Variants in KIAA1671 observed in about 807,000 individuals in gnomAD.
The protein encoded by KIAA1671 is KIAA1671.
Under a neutral mutation model 131.2 loss-of-function variants are expected in KIAA1671, and 52 were observed. That is an observed-to-expected ratio of 0.40 (90% CI 0.32 to 0.50). The LOEUF is 0.50. Ranked by LOEUF, KIAA1671 falls within the 20% of genes least tolerant of loss-of-function variation. The probability of loss-of-function intolerance (pLI) is 0.73; values close to 1 mark genes in which losing one functional copy is unlikely to be tolerated. For synonymous variants in KIAA1671, 1,003 were observed against 961.6 expected (o/e 1.04, Z -0.80); for missense variants, 2,360 against 2,364.2 (o/e 1.00, Z 0.04).
chr22:25,146,601 C>A (rs1042495146), intron 6 of KIAA1671, among the ~76,000 whole-genome samples: 3 of 152,222 alleles, frequency 2.0e-5, no homozygotes, highest in African/African-American at 7.2e-5. Context: ...TGACTCCCAG[C>A]ACTGTGGCTT....
At chr22:25,005,765 G>A (rs948897837) in intron 1 of KIAA1671, among the ~76,000 whole-genome samples, 5 of 152,224 alleles carry the variant, frequency 3.3e-5, no homozygotes, top group Admixed American at 2.6e-4. Context: ...TGGGCCTGGG[G>A]TCAGACCATC....
chr22:25,021,050 C>T (rs1019294761), intron 1 of KIAA1671, among the ~76,000 whole-genome samples: 32 of 152,070 alleles, frequency 2.1e-4, no homozygotes, highest in African/African-American at 6.5e-4. Flanking sequence ...GAGGCAGAAT[C>T]GTCAGTGAGG....
In KIAA1671 at chr22:24,956,078, G is replaced by A. The variant is rs184106351; in HGVS notation, c.-208+3306G>A. On this transcript the variant is annotated intron_variant, in intron 1 of 12. Transcript: ENST00000358431. The stretch of plus-strand genomic sequence containing the variant: ...AAGAAAAATCCTGGTGAGAGACCGC[G>A]GTGCGCGGTGGACTGGACGTAGAGA... 1.2e-3 allele frequency among the ~76,000 whole-genome samples: 187 copies of A among 152,156 alleles called. 1 individual carries two copies. Among genetic ancestry groups the A allele is most frequent in the Admixed American group, 2.0e-3 (31 of 15,298 alleles).
chr22:25,054,562 G>A (rs1169729378), intron 6 of KIAA1671: 1 of 149,716 alleles, frequency 6.7e-6, no homozygotes, highest in Non-Finnish European at 1.5e-5. Context: ...GATGCGTAGG[G>A]TGAGGTATGG....
At chr22:25,099,669 C>G (rs946128021) in intron 6 of KIAA1671, among the ~76,000 whole-genome samples, 2 of 150,810 alleles carry the variant, frequency 1.3e-5, no homozygotes, top group African/African-American at 4.9e-5. Context: ...TGTGCGCCAC[C>G]ATACCTGGCT....
At chr22:25,166,737 T>C (rs1933657993) in intron 6 of KIAA1671, among the ~76,000 whole-genome samples, 5 of 152,184 alleles carry the variant, frequency 3.3e-5, no homozygotes. Flanking sequence ...TCCTTGTTTT[T>C]CCAGTGTGAA....
At chr22:24,991,868 G>A (rs1340011693) in intron 1 of KIAA1671, among the ~76,000 whole-genome samples, 1 of 152,098 alleles carries the variant, frequency 6.6e-6, no homozygotes, top group East Asian at 1.9e-4. Context: ...TAGAGCCGGG[G>A]ATGAGTGTAA....
intron 5 of KIAA1671, among the ~76,000 whole-genome samples, chr22:25,044,598 CTT>C (rs1927122085): frequency 6.6e-6 from 1 of 151,250 alleles, no homozygotes; most frequent in Admixed American, 6.6e-5. Context: ...CCGTTTCTCT[CTT>C]GTCTCCTGCC....
Position 25,028,663 on chromosome 22 carries a change from A to C in KIAA1671, c.664A>C (p.Ser222Arg). The C allele has an allele frequency of 6.4e-7, 1 of 1,550,826 alleles. No homozygotes were observed. The highest frequency in any genetic ancestry group is 1.2e-5 in the South Asian group (1 of 84,040). Residue 222 changes from serine to arginine, a missense_variant, in exon 3 of 13, where the codon AGC becomes CGC. By Grantham distance (110) the Ser-to-Arg change is moderately radical. Coordinates refer to ENST00000358431, the MANE Select transcript of KIAA1671 (RefSeq NM_001145206.2). Reference protein sequence around the residue: ...AGQDHPPSKASSVEDTARPLV... With the variant: ...AGQDHPPSKARSVEDTARPLV... ...CCAAGACCATCCTCCCTCAAAGGCC[A>C]GCAGTGTGGAGGACACGGCACGCCC...
At chr22:24,963,610 C>T (rs1365701566) in intron 1 of KIAA1671, among the ~76,000 whole-genome samples, 1 of 151,938 alleles carries the variant, frequency 6.6e-6, no homozygotes, top group Non-Finnish European at 1.5e-5. Flanking sequence ...TTGACCTGTG[C>T]GCTGGCTTCT....
rs1047507564 is a variant in KIAA1671, at chr22:25,039,039, C to A, written c.1909C>A (p.Pro637Thr). 37 of 1,551,628 alleles carry A rather than the reference C, an allele frequency of 2.4e-5. No individual in the cohort carries two copies. The highest frequency in any genetic ancestry group is 1.8e-4 in the Admixed American group (9 of 50,994). The change falls in exon 5 of 13, where the codon CCT (proline) becomes ACT (threonine). Residue 637 changes from proline (P) to threonine (T), a missense_variant. Pro to Thr is a conservative substitution (Grantham distance 38, BLOSUM62 -1). This residue lies in a region of KIAA1671 where 1,185 missense variants were observed against 1,126.2 expected (regional missense o/e 1.05). Coordinates refer to ENST00000358431, the MANE Select transcript of KIAA1671 (RefSeq NM_001145206.2). ...GGGACGTTGTCTCTCCACCACACCC[C>A]CTGGTGACATGGCCCATGCCCGTGT... ...QSGRCLSTTP[P>T]GDMAHARVSE... is the part of the protein sequence containing the mutation.
rs1934788336 is a variant in KIAA1671 at position 25,195,258 on chromosome 22, T to C, written c.*2857T>C. 6.6e-6 allele frequency: 1 copy of C among 152,226 alleles called. No homozygotes were observed. Among genetic ancestry groups the C allele is most frequent in the Admixed American group, 6.5e-5 (1 of 15,278 alleles). 9.4% of individuals were successfully genotyped at this position (152,226 alleles called of 1,614,324 possible). On this transcript the variant is annotated 3_prime_UTR_variant, in exon 13 of 13. Coordinates refer to ENST00000358431, the MANE Select transcript of KIAA1671 (RefSeq NM_001145206.2). ...ATCTTTTGAGAAGCCTGTATCTTTT[T>C]CCTCTTCAGTAGATACCCTTCTTCA... is the stretch of plus-strand genomic sequence containing the variant.
chr22:25,021,654 G>A (rs1925674868), intron 1 of KIAA1671, among the ~76,000 whole-genome samples: 1 of 152,154 alleles, frequency 6.6e-6, no homozygotes, highest in Admixed American at 6.6e-5. Context: ...TGAGGATACA[G>A]ATGAGAGGAT....
At chr22:25,159,859 T>C (rs1356059248) in intron 6 of KIAA1671, among the ~76,000 whole-genome samples, 1 of 152,178 alleles carries the variant, frequency 6.6e-6, no homozygotes, top group Non-Finnish European at 1.5e-5. Context: ...TAAAAGTTTG[T>C]GGTTTAGATT....
intron 1 of KIAA1671, among the ~76,000 whole-genome samples, chr22:25,001,900 G>A (rs1924498180): frequency 6.6e-6 from 1 of 151,742 alleles, no homozygotes. Context: ...ATGTAAATAA[G>A]TATATATTTT....
chr22:25,103,450 C>G (rs1021799292), intron 6 of KIAA1671, among the ~76,000 whole-genome samples: 1 of 152,060 alleles, frequency 6.6e-6, no homozygotes, highest in African/African-American at 2.4e-5. Flanking sequence ...GCTCCGCCTC[C>G]TAGGTTCACG....
intron 4 of KIAA1671, among the ~76,000 whole-genome samples, chr22:25,033,827 G>A (rs942414474): frequency 3.0e-4 from 45 of 151,856 alleles, no homozygotes; most frequent in African/African-American, 1.0e-3. Context: ...TGATCTGCCC[G>A]CTTCGGCCTC....
intron 7 of KIAA1671, among the ~76,000 whole-genome samples, chr22:25,172,264 G>A (rs1933875650): frequency 1.3e-5 from 2 of 152,098 alleles, no homozygotes; most frequent in African/African-American, 4.8e-5. Context: ...TGTGGGACCT[G>A]GAGTGTGGAC....
chr22:24,958,836 G>A (rs1045101294), intron 1 of KIAA1671, among the ~76,000 whole-genome samples: 2 of 151,056 alleles, frequency 1.3e-5, no homozygotes, highest in Non-Finnish European at 1.5e-5. Flanking sequence ...CAAAAAAATA[G>A]CCAGGTATGG....
Sources: allele counts gnomAD v4.1 joint callset (sites outside exome capture counted in the v4.1 genomes callset), GRCh38; gene constraint gnomAD v4.1.1; regional missense constraint gnomAD v4.1.1; transcripts MANE v1.5; gene names NCBI Gene and HGNC (gene_info 2026-07-23, HGNC 2026-07-21).